SCHIP1: variants seen among roughly 807,000 people sequenced by gnomAD.
The protein encoded by SCHIP1 is schwannomin interacting protein 1, also known as schwannomin-interacting protein 1.
A neutral mutation model predicts 29.7 loss-of-function variants in SCHIP1; 8 were observed. That is an observed-to-expected ratio of 0.27 (90% CI 0.16 to 0.49). The LOEUF (loss-of-function observed/expected upper bound fraction) is 0.49. Among genes scored for constraint, SCHIP1 ranks in the 20% least tolerant of loss-of-function variants. SCHIP1 has a pLI of 0.99. For synonymous variants in SCHIP1, 76 were observed against 94.9 expected, an observed-to-expected ratio of 0.80 and a Z score of 1.16; for missense variants, 193 against 294.6, an observed-to-expected ratio of 0.66 and a Z score of 2.52.
At chr3:159,570,650 A>T in the SCHIP1 span, among the ~76,000 whole-genome samples, 1 of 152,034 alleles carries the variant, frequency 6.6e-6, no homozygotes, top group Non-Finnish European at 1.5e-5. Flanking sequence ...TTCCACGTGA[A>T]CTTTAAAGTA....
At chr3:159,506,119 T>C in the SCHIP1 span, among the ~76,000 whole-genome samples, 1 of 152,192 alleles carries the variant, frequency 6.6e-6, no homozygotes, top group African/African-American at 2.4e-5. Context: ...CTCCACATCC[T>C]CTCCAGCACC....
At chr3:159,764,338 C>T in the SCHIP1 span, 1 of 1,386,222 alleles carries the variant, frequency 7.2e-7, no homozygotes, top group East Asian at 2.5e-5. This position sits in a 1 kb window ranked among gnomAD's most constrained non-coding sequence, Gnocchi z 6.1. Context: ...ACCTCTGACC[C>T]AGCGGGCGCA....
the SCHIP1 span, among the ~76,000 whole-genome samples, chr3:159,794,827 C>T: frequency 6.6e-6 from 1 of 152,092 alleles, no homozygotes; most frequent in Admixed American, 6.5e-5. Context: ...CCTTCAGATG[C>T]AAGAAGCTGC....
chr3:159,612,875 A>G, the SCHIP1 span, among the ~76,000 whole-genome samples: 409 of 152,284 alleles, frequency 2.7e-3, 6 homozygotes, highest in Admixed American at 0.023. Context: ...GAGATAGATT[A>G]TTTTTCCCTT....
At chr3:159,321,763 G>A in the SCHIP1 span, among the ~76,000 whole-genome samples, 1 of 151,890 alleles carries the variant, frequency 6.6e-6, no homozygotes, top group Admixed American at 6.6e-5. Context: ...AAAAGATAAA[G>A]TCATCACCTA....
chr3:159,822,997 T>A, the SCHIP1 span, among the ~76,000 whole-genome samples: 1 of 150,930 alleles, frequency 6.6e-6, no homozygotes, highest in South Asian at 2.1e-4. Flanking sequence ...AGCAAGACAG[T>A]GAAAGGAACG....
chr3:159,718,863 G>T, the SCHIP1 span, among the ~76,000 whole-genome samples: 1 of 151,924 alleles, frequency 6.6e-6, no homozygotes, highest in Non-Finnish European at 1.5e-5. Context: ...GAATTTCTTC[G>T]CAGAATTGGA....
At chr3:159,677,818 A>C in the SCHIP1 span, among the ~76,000 whole-genome samples, 2 of 152,124 alleles carry the variant, frequency 1.3e-5, no homozygotes, top group African/African-American at 4.8e-5. Context: ...CTCACTATGC[A>C]CATCTATAGT....
the SCHIP1 span, among the ~76,000 whole-genome samples, chr3:159,385,924 T>A: frequency 1.3e-5 from 2 of 152,044 alleles, no homozygotes; most frequent in Non-Finnish European, 2.9e-5. Flanking sequence ...CAACTCCCAC[T>A]TATGAGTGAG....
At chr3:159,447,835 C>T in the SCHIP1 span, among the ~76,000 whole-genome samples, 1 of 152,112 alleles carries the variant, frequency 6.6e-6, no homozygotes, top group East Asian at 1.9e-4. Context: ...TCCCAACTGT[C>T]CACAATTAAT....
the SCHIP1 span, among the ~76,000 whole-genome samples, chr3:159,535,842 C>T: frequency 6.6e-6 from 1 of 152,226 alleles, no homozygotes; most frequent in African/African-American, 2.4e-5. Flanking sequence ...TGTGTGTATT[C>T]TCCAACTGTT....
chr3:159,804,639 C>G, the SCHIP1 span, among the ~76,000 whole-genome samples: 1 of 152,198 alleles, frequency 6.6e-6, no homozygotes, highest in African/African-American at 2.4e-5. Context: ...TTTTCCAAAG[C>G]TTGCCTTTGT....
chr3:159,451,715 C>T, the SCHIP1 span, among the ~76,000 whole-genome samples: 1 of 152,186 alleles, frequency 6.6e-6, no homozygotes, highest in East Asian at 1.9e-4. Flanking sequence ...ATATAACTGT[C>T]TCTGCCCTTA....
chr3:159,274,858 A>C, the SCHIP1 span: 2 of 583,722 alleles, frequency 3.4e-6, no homozygotes, highest in African/African-American at 4.1e-5. Context: ...TTTTTATATA[A>C]TTGTATTATA....
the SCHIP1 span, among the ~76,000 whole-genome samples, chr3:159,666,365 A>G: frequency 6.6e-6 from 1 of 152,250 alleles, no homozygotes. Flanking sequence ...TAGGAATAGA[A>G]GACCCTGCTA....
the SCHIP1 span, among the ~76,000 whole-genome samples, chr3:159,475,695 T>G: frequency 1.3e-5 from 2 of 152,192 alleles, no homozygotes; most frequent in African/African-American, 2.4e-5. Context: ...TTACTAATTT[T>G]GGAGTTTCTT....
chr3:159,508,900 T>A, the SCHIP1 span, among the ~76,000 whole-genome samples: 1 of 152,224 alleles, frequency 6.6e-6, no homozygotes, highest in African/African-American at 2.4e-5. Context: ...ATGTGGTCGA[T>A]TTTGGAATAA....
the SCHIP1 span, among the ~76,000 whole-genome samples, chr3:159,776,332 CTTTTTTT>C: frequency 7.8e-4 from 106 of 135,448 alleles, 1 homozygote; most frequent in African/African-American, 2.9e-3. Flanking sequence ...AGTGTTCTGT[CTTTTTTT>C]TTTTTTTTTT....
At chr3:159,625,368 C>G in the SCHIP1 span, among the ~76,000 whole-genome samples, 1 of 152,160 alleles carries the variant, frequency 6.6e-6, no homozygotes, top group African/African-American at 2.4e-5. Context: ...AGTCCTGTTT[C>G]TCTCTTTTGG....
Sources: gnomAD v4.1 joint callset for allele counts (sites outside exome capture counted in the v4.1 genomes callset) on GRCh38, gnomAD v4.1.1 for gene constraint, Gnocchi (gnomAD v3.1) non-coding constraint, MANE v1.5 for transcripts, NCBI Gene and HGNC (gene_info 2026-07-23, HGNC 2026-07-21) for gene names.